The following PCDHGB1 variants were observed in gnomAD, a reference collection of about 807,000 sequenced individuals.
PCDHGB1 encodes protocadherin gamma subfamily B, 1.
PCDHGB1 carries 34 observed loss-of-function variants against 56.6 expected under a neutral mutation model. That is an observed-to-expected ratio of 0.60 (90% CI 0.46 to 0.80). The LOEUF is 0.80. Ranked by LOEUF, PCDHGB1 falls within the 30% of genes least tolerant of loss-of-function variation. The pLI, the probability that PCDHGB1 is intolerant of heterozygous loss-of-function variation, is 0.00. For synonymous variants in PCDHGB1, 561 were observed against 505.9 expected, an observed-to-expected ratio of 1.11 and a Z score of -1.46; for missense variants, 1,278 against 1,204.6, an observed-to-expected ratio of 1.06 and a Z score of -0.90.
Position 141,374,101 on chromosome 5 carries a change from G to C in PCDHGB1, c.2409+21432G>C, listed in dbSNP as rs752730619. ...AGCCAGTAATGGCGCCTCCGCAGAG[G>C]CATCCGCAGCGCAGCGAGCAGGTCC... On this transcript the variant is annotated intron_variant, in intron 1 of 3. Coordinates refer to ENST00000523390, the MANE Select transcript of PCDHGB1 (RefSeq NM_018922.3). 1 of 1,565,508 alleles carries C rather than the reference G, an allele frequency of 6.4e-7. No homozygotes were observed. Among genetic ancestry groups the C allele is most frequent in the Admixed American group, 1.9e-5 (1 of 53,132 alleles).
rs567174433 is a variant in PCDHGB1, at chr5:141,443,351, G to A, written c.2410-51456G>A. On this transcript the variant is annotated intron_variant, in intron 1 of 3. Coordinates refer to ENST00000523390, the MANE Select transcript of PCDHGB1 (RefSeq NM_018922.3). ...AAAACAAAAATTAACAAGGTTTAGT[G>A]GTCCATGCCTGTGGTCTCAGCTACT... 6.6e-5 allele frequency among the ~76,000 whole-genome samples: 10 copies of A among 152,072 alleles called. No homozygotes were observed. The South Asian group carries it at 2.1e-3, about 32-fold the overall frequency.
Position 141,490,982 on chromosome 5 carries a change from G to A in PCDHGB1, c.2410-3825G>A, listed in dbSNP as rs964673026. 5 of 1,613,994 alleles carry A rather than the reference G, an allele frequency of 3.1e-6. No homozygotes were observed. Among genetic ancestry groups the A allele is most frequent in the Admixed American group, 1.7e-5 (1 of 60,020 alleles). On this transcript the variant is annotated intron_variant, in intron 1 of 3. Coordinates refer to ENST00000523390, the MANE Select transcript of PCDHGB1 (RefSeq NM_018922.3). This position sits in a 1 kb window ranked among gnomAD's most constrained non-coding sequence, Gnocchi z 5.4. The stretch of plus-strand genomic sequence containing the variant: ...CACTCAGCCCCCCAGCGTCTCCCTC[G>A]CTCTGCTCCTCCTGGCTCCTTGGTC...
intron 1 of PCDHGB1, chr5:141,398,109 G>T: frequency 6.3e-7 from 1 of 1,594,204 alleles, no homozygotes; most frequent in Non-Finnish European, 8.5e-7. Context: ...TGGTGAGCAA[G>T]CTGAGGAGAG....
chr5:141,414,721 G>A (rs373261988), intron 1 of PCDHGB1: 29 of 1,614,004 alleles, frequency 1.8e-5, no homozygotes, highest in Middle Eastern at 1.6e-4. Flanking sequence ...CTCAGACACT[G>A]GCGTCCTGTA....
rs759945612 is a variant in PCDHGB1 at position 141,409,754 on chromosome 5, C to T, written c.2409+57085C>T. ...GCAGAGCGGGGTGGTGTTCGCGCAG[C>T]GCGCCTTTGATCACGAGCAGCTGCG... On this transcript the variant is annotated intron_variant, in intron 1 of 3. Coordinates refer to ENST00000523390, the MANE Select transcript of PCDHGB1 (RefSeq NM_018922.3). 3 of 1,612,880 alleles carry T rather than the reference C, an allele frequency of 1.9e-6. No individual in the cohort carries two copies. In the Admixed American group the frequency reaches 5.0e-5, roughly 27 times the overall value.
At position 141,486,882 on chromosome 5, in the gene PCDHGB1, C is replaced by T; in HGVS notation, c.2410-7925C>T. The T allele has an allele frequency of 6.2e-7, 1 of 1,614,244 alleles. No individual in the cohort carries two copies. The highest frequency in any genetic ancestry group is 1.1e-5 in the South Asian group (1 of 91,086). On this transcript the variant is annotated intron_variant, in intron 1 of 3. Transcript: ENST00000523390. This position sits in a 1 kb window ranked among gnomAD's most constrained non-coding sequence, Gnocchi z 5.0. ...GCTCCAGCTGTGCTCCGTCCTCGGG[C>T]CCGGCCTGGTTCCTTATGTCCCCAA...
intron 1 of PCDHGB1, chr5:141,478,664 C>T (rs2099470287): frequency 1.3e-6 from 2 of 1,551,788 alleles, no homozygotes; most frequent in Non-Finnish European, 1.7e-6. Context: ...GATGCATTCA[C>T]ACTTTCAACT....
intron 1 of PCDHGB1, chr5:141,417,879 A>G (rs2096177010): frequency 7.1e-6 from 11 of 1,559,306 alleles, no homozygotes; most frequent in South Asian, 2.3e-5. Flanking sequence ...AGCTGCGCGC[A>G]GAGGCGCCGG....
In PCDHGB1 at chr5:141,403,896, A is replaced by T. The variant is rs2094466164; in HGVS notation, c.2409+51227A>T. 6.2e-7 allele frequency: 1 copy of T among 1,613,866 alleles called. No individual in the cohort carries two copies. On this transcript the variant is annotated intron_variant, in intron 1 of 3. Transcript: ENST00000523390. The stretch of plus-strand genomic sequence containing the variant: ...CTAGATTATGAAGAATGTTCATTTT[A>T]TGAAATGGAAATACAAGCTGAAGAT...
At chr5:141,354,845 A>G (rs1204240079) in intron 1 of PCDHGB1, among the ~76,000 whole-genome samples, 2 of 152,228 alleles carry the variant, frequency 1.3e-5, no homozygotes, top group Non-Finnish European at 2.9e-5. Context: ...TCATTCTTGA[A>G]TTTTCATTGC....
chr5:141,407,047 T>C (rs75652968), intron 1 of PCDHGB1, among the ~76,000 whole-genome samples: 6,428 of 152,316 alleles, frequency 0.042, 220 homozygotes, highest in African/African-American at 0.092. Flanking sequence ...GATCCATAGA[T>C]ACACTGATGA....
intron 1 of PCDHGB1, chr5:141,409,714 CG>C: frequency 6.2e-7 from 1 of 1,613,226 alleles, no homozygotes; most frequent in Non-Finnish European, 8.5e-7. Flanking sequence ...TGTCGTCATA[CG>C]TGTCAGTGAG....
intron 1 of PCDHGB1, among the ~76,000 whole-genome samples, chr5:141,472,266 G>A (rs931951683): frequency 2.0e-5 from 3 of 152,198 alleles, no homozygotes. Flanking sequence ...TTATAGCCGG[G>A]CACAGTGGCT....
chr5:141,409,850 G>A lies in PCDHGB1; in HGVS notation c.2409+57181G>A. ...GCTCAGCGCCAACGTGAGCCTGCGC[G>A]TGTTGGTGGGAGACCGCAATGACAA... On this transcript the variant is annotated intron_variant, in intron 1 of 3. Transcript: ENST00000523390. 6.2e-7 allele frequency: 1 copy of A among 1,612,142 alleles called. No individual in the cohort carries two copies. Among genetic ancestry groups the A allele is most frequent in the African/African-American group, 1.3e-5 (1 of 75,014 alleles).
chr5:141,507,151 G>C (rs1423834553), intron 3 of PCDHGB1: 2 of 152,192 alleles, frequency 1.3e-5, no homozygotes, highest in African/African-American at 4.8e-5. Context: ...TATTACCTGA[G>C]CAGGATGAGA....
chr5:141,437,715 C>T (rs2097903335), intron 1 of PCDHGB1, among the ~76,000 whole-genome samples: 1 of 151,772 alleles, frequency 6.6e-6, no homozygotes, highest in Non-Finnish European at 1.5e-5. Context: ...ACACAGTTAC[C>T]CTCTAATGTT....
chr5:141,360,660 C>T (rs530891991), intron 1 of PCDHGB1: 14 of 1,613,850 alleles, frequency 8.7e-6, no homozygotes, highest in Admixed American at 3.3e-5. Flanking sequence ...TTAATGACAA[C>T]GAGTACTTTG....
In PCDHGB1 at chr5:141,365,655, T is replaced by C. The variant is rs759352758; in HGVS notation, c.2409+12986T>C. On this transcript the variant is annotated intron_variant, in intron 1 of 3. Coordinates refer to ENST00000523390, the MANE Select transcript of PCDHGB1 (RefSeq NM_018922.3). ...ACAGAAAGCCACATCCCCTTGAAAGTAGCAGACGTTAATGACAACCCACCC... is the reference window on the plus strand; with the variant it reads ...ACAGAAAGCCACATCCCCTTGAAAGCAGCAGACGTTAATGACAACCCACCC... 8.7e-6 allele frequency: 14 copies of C among 1,613,386 alleles called. No individual in the cohort carries two copies. Among genetic ancestry groups the C allele is most frequent in the African/African-American group, 4.0e-5 (3 of 74,886 alleles).
intron 1 of PCDHGB1, chr5:141,404,553 C>T: frequency 6.2e-7 from 1 of 1,613,766 alleles, no homozygotes; most frequent in Non-Finnish European, 8.5e-7. Context: ...CAGGTGACGG[C>T]AAGTGACAGT....
Sources: allele counts gnomAD v4.1 joint callset (sites outside exome capture counted in the v4.1 genomes callset), GRCh38; gene constraint gnomAD v4.1.1; non-coding constraint Gnocchi (gnomAD v3.1); transcripts MANE v1.5; gene names NCBI Gene and HGNC (gene_info 2026-07-23, HGNC 2026-07-21).